The following ADGRD1 variants were observed in gnomAD, a reference collection of about 807,000 sequenced individuals.
ADGRD1 encodes G-protein coupled receptor 133.
Under a neutral mutation model 113.4 loss-of-function variants are expected in ADGRD1, and 77 were observed. The observed-to-expected ratio is 0.68, with a 90% CI of 0.57 to 0.82. The LOEUF (loss-of-function observed/expected upper bound fraction) is 0.82. ADGRD1 is among the 40% of genes least tolerant of loss of function. The pLI is 0.00. For synonymous variants in ADGRD1, 474 were observed against 475.0 expected, an observed-to-expected ratio of 1.00 and a Z score of 0.03; for missense variants, 1,036 against 1,139.1, an observed-to-expected ratio of 0.91 and a Z score of 1.30.
At chr12:131,056,809 G>T (rs1323126141) in intron 13 of ADGRD1, among the ~76,000 whole-genome samples, 2 of 152,188 alleles carry the variant, frequency 1.3e-5, no homozygotes, top group Non-Finnish European at 2.9e-5. Flanking sequence ...AGATCCTTGT[G>T]TTGGAAAGAG....
rs771743800 is a variant in ADGRD1, at chr12:131,120,913, G to A, written c.2175G>A (p.Val725=). The A allele has an allele frequency of 1.2e-6, 2 of 1,613,848 alleles. No individual in the cohort carries two copies. Among genetic ancestry groups the A allele is most frequent in the African/African-American group, 2.7e-5 (2 of 74,944 alleles). The change falls in exon 20 of 25, where the codon GTG becomes GTA. Residue 725 remains valine (V), a splice_region_variant and synonymous_variant. Coordinates refer to ENST00000261654, the MANE Select transcript of ADGRD1 (RefSeq NM_198827.5). ...AFVAPALFVI[V]VNIGILIAVT... ...TAGCCCCTGCCCTGTTTGTCATCGT[G>A]GTACGTTTCCTACCCTTGTGGGCGC...
chr12:130,974,390 T>A (rs1872061532), intron 4 of ADGRD1, among the ~76,000 whole-genome samples: 1 of 152,148 alleles, frequency 6.6e-6, no homozygotes, highest in Non-Finnish European at 1.5e-5. Flanking sequence ...AGAGGAGACT[T>A]CAGTGAGCAT....
chr12:131,014,499 T>C (rs1247500678), intron 13 of ADGRD1, among the ~76,000 whole-genome samples, 159 bp downstream of exon 13: 1 of 152,234 alleles, frequency 6.6e-6, no homozygotes, highest in Non-Finnish European at 1.5e-5. Flanking sequence ...CTTGGGCCTT[T>C]GTTTCTGAGC....
intron 12 of ADGRD1, among the ~76,000 whole-genome samples, chr12:131,012,700 A>G (rs577833449): frequency 9.7e-4 from 148 of 152,218 alleles, no homozygotes; most frequent in African/African-American, 3.4e-3. Context: ...GAATCTAGTT[A>G]GAAGGAAAAA....
At chr12:131,018,511 A>G (rs957783704) in intron 13 of ADGRD1, among the ~76,000 whole-genome samples, 3 of 151,676 alleles carry the variant, frequency 2.0e-5, no homozygotes. Flanking sequence ...CGCCTCACGC[A>G]GCGCTTCCCT....
At position 131,022,920 on chromosome 12, in the gene ADGRD1, G is replaced by A. The variant is rs1008269617; in HGVS notation, c.1473+8580G>A. ...CCTGCATTTTTCTGTGTGTCTGTAT[G>A]TGTGTCTGTGTTGCAAACTAGGATT... On this transcript the variant is annotated intron_variant, in intron 13 of 24. Transcript: ENST00000261654. This position sits in a 1 kb window ranked among gnomAD's most constrained non-coding sequence, Gnocchi z 4.6. 6.6e-6 allele frequency: 1 copy of A among 152,116 alleles called. No individual in the cohort carries two copies. The allele number at this position is 152,116 out of a possible 1,614,324, so 9.4% of individuals were successfully genotyped here. A position where few individuals can be genotyped will look rare whatever the true frequency, so the allele number is the denominator to read the frequency against.
At chr12:131,010,880 G>C (rs1002830520) in intron 12 of ADGRD1, among the ~76,000 whole-genome samples, 1 of 152,146 alleles carries the variant, frequency 6.6e-6, no homozygotes, top group Admixed American at 6.5e-5. Flanking sequence ...AGGGGCCCCC[G>C]GGGCAGCGAC....
intron 18 of ADGRD1, 140 bp downstream of exon 18, chr12:131,109,017 G>T (rs888060572): frequency 1.8e-6 from 1 of 571,210 alleles, no homozygotes; most frequent in Non-Finnish European, 3.1e-6. Context: ...GTGGGAATGG[G>T]GTTTGATCGG....
intron 6 of ADGRD1, 132 bp downstream of exon 6, chr12:130,987,481 TTA>T: frequency 1.1e-6 from 1 of 932,710 alleles, no homozygotes; most frequent in Non-Finnish European, 1.6e-6. Context: ...CTAATGAACC[TTA>T]TAAACACAGT....
intron 13 of ADGRD1, among the ~76,000 whole-genome samples, chr12:131,020,201 C>T (rs373391150): frequency 7.4e-6 from 1 of 135,486 alleles, no homozygotes; most frequent in African/African-American, 2.8e-5. Flanking sequence ...AGGGGGTGCT[C>T]GAGGGAGATA....
At chr12:130,994,211 C>T (rs940719072) in intron 8 of ADGRD1, 1 of 445,814 alleles carries the variant, frequency 2.2e-6, no homozygotes, top group African/African-American at 2.0e-5. Flanking sequence ...CTGGAAGGTC[C>T]TTATGCATGT....
rs1237031831 is a variant in ADGRD1 at position 130,984,208 on chromosome 12, A to T, written c.490+2145A>T. Among the ~76,000 whole-genome samples, 1 of 152,186 alleles carries T rather than the reference A, an allele frequency of 6.6e-6. No homozygotes were observed. Among genetic ancestry groups the T allele is most frequent in the Non-Finnish European group, 1.5e-5 (1 of 68,032 alleles). ...GAATGATTTACGATCATTAGTTATG[A>T]TTTTATTTTAAAATTAAGATTTTCC... On this transcript the variant is annotated intron_variant, in intron 5 of 24. Coordinates refer to ENST00000261654, the MANE Select transcript of ADGRD1 (RefSeq NM_198827.5). This position sits in a 1 kb window ranked among gnomAD's most constrained non-coding sequence, Gnocchi z 4.1.
chr12:130,969,449 A>C (rs1228914387), intron 3 of ADGRD1: 1 of 201,304 alleles, frequency 5.0e-6, no homozygotes, highest in Non-Finnish European at 1.0e-5. Flanking sequence ...GATCAGCAGC[A>C]GCATTAAATT....
In ADGRD1 at chr12:131,105,864, C is replaced by T. The variant is rs763670011; in HGVS notation, c.1886C>T (p.Thr629Met). 15 of 1,592,530 alleles carry T rather than the reference C, an allele frequency of 9.4e-6. No individual in the cohort carries two copies. The East Asian group carries it at 1.8e-4, about 19-fold the overall frequency. The stretch of plus-strand genomic sequence containing the variant: ...ATTAGTTTCCGCCTCGAGCCGGGCA[C>T]GGTGAGTGGGCGCAGCTCCGTGTTC... Reference protein sequence around the residue: ...LLISFRLEPGTTPCQVMAVLL... With the variant: ...LLISFRLEPGMTPCQVMAVLL... The change falls in exon 17 of 25, where the codon ACG (threonine) becomes ATG (methionine). Residue 629 changes from threonine to methionine, a missense_variant and splice_region_variant. Thr to Met is a moderately conservative substitution (Grantham distance 81). Transcript: ENST00000261654.
In ADGRD1 at chr12:131,096,741, A is replaced by G. The variant is rs149407094; in HGVS notation, c.1672-8090A>G. On this transcript the variant is annotated intron_variant, in intron 15 of 24. Coordinates refer to ENST00000261654, the MANE Select transcript of ADGRD1 (RefSeq NM_198827.5). The surrounding 1 kb of genome is among the most constrained non-coding windows in gnomAD (Gnocchi z 5.2). ...GGTTCCCGTGGGGCACTGCCAGTCC[A>G]GGTTTACATCGCCACAACTGTTTAA... Among the ~76,000 whole-genome samples the G allele has an allele frequency of 2.6e-3, 396 of 152,160 alleles. 5 individuals are homozygous for G. Among genetic ancestry groups the G allele is most frequent in the African/African-American group, 7.9e-3 (327 of 41,502 alleles).
Position 131,006,066 on chromosome 12 carries a change from C to G in ADGRD1, c.1331+19C>G, listed in dbSNP as rs1239177039. On this transcript the variant is annotated intron_variant, in intron 12 of 24. Coordinates refer to ENST00000261654, the MANE Select transcript of ADGRD1 (RefSeq NM_198827.5). ...ACACCAAGTGAGTCTCGGGGGTGCTCAGCTCAGGGGCGTGGGTGTGCGTGG... is the reference window on the plus strand; with the variant it reads ...ACACCAAGTGAGTCTCGGGGGTGCTGAGCTCAGGGGCGTGGGTGTGCGTGG... 1.9e-6 allele frequency: 3 copies of G among 1,608,508 alleles called. No individual in the cohort carries two copies. In the African/African-American group the frequency reaches 4.0e-5, roughly 21 times the overall value.
At chr12:131,014,746 C>T (rs888872646) in intron 13 of ADGRD1, among the ~76,000 whole-genome samples, 1 of 152,204 alleles carries the variant, frequency 6.6e-6, no homozygotes, top group African/African-American at 2.4e-5. Context: ...CTTCAGAGCT[C>T]AGGCAAAACC....
chr12:130,967,666 C>T (rs1871157115), intron 3 of ADGRD1: 1 of 152,334 alleles, frequency 6.6e-6, no homozygotes, highest in African/African-American at 2.4e-5. Context: ...TGAAATGTTT[C>T]CTTAAAATTT....
At chr12:131,069,421 G>A in intron 13 of ADGRD1, 1 of 152,194 alleles carries the variant, frequency 6.6e-6, no homozygotes, top group Non-Finnish European at 1.5e-5. Flanking sequence ...TGGCTTCGTG[G>A]CTTCATTTGT....
Sources: allele counts gnomAD v4.1 joint callset (sites outside exome capture counted in the v4.1 genomes callset), GRCh38; gene constraint gnomAD v4.1.1; non-coding constraint Gnocchi (gnomAD v3.1); transcripts MANE v1.5; gene names NCBI Gene and HGNC (gene_info 2026-07-23, HGNC 2026-07-21).